ARSB: variants seen among roughly 807,000 people sequenced by gnomAD.
ARSB encodes N-acetylgalactosamine-4-sulfatase.
Under a neutral mutation model 50.9 loss-of-function variants are expected in ARSB, and 41 were observed. The ratio of observed to expected loss-of-function variants is 0.81; its 90% CI spans 0.63 to 1.04. The LOEUF is 1.04. Ranked by LOEUF, ARSB falls within the 50% of genes least tolerant of loss-of-function variation. ARSB has a pLI of 0.00. For missense variants in ARSB, 672 were observed against 693.3 expected (o/e 0.97, Z 0.35); for synonymous variants, 269 against 284.8 (o/e 0.94, Z 0.56).
chr5:78,948,032 C>T (rs189682103), intron 4 of ARSB, among the ~76,000 whole-genome samples: 19 of 151,940 alleles, frequency 1.3e-4, no homozygotes, highest in African/African-American at 4.3e-4. Flanking sequence ...AAGCCAAGCA[C>T]AAAGACAAAC....
intron 4 of ARSB, among the ~76,000 whole-genome samples, chr5:78,921,238 C>A (rs1312641800): frequency 6.6e-6 from 1 of 152,158 alleles, no homozygotes; most frequent in Non-Finnish European, 1.5e-5. Flanking sequence ...CCAATGACCA[C>A]CAACCATCTT....
At chr5:78,898,354 A>C (rs1748664315) in intron 4 of ARSB, among the ~76,000 whole-genome samples, 1 of 152,214 alleles carries the variant, frequency 6.6e-6, no homozygotes, top group African/African-American at 2.4e-5. Flanking sequence ...TTAAGAAAGG[A>C]ATAATACTAG....
intron 4 of ARSB, among the ~76,000 whole-genome samples, chr5:78,933,152 T>G (rs1318573664): frequency 6.6e-6 from 1 of 152,198 alleles, no homozygotes; most frequent in African/African-American, 2.4e-5. Context: ...ACACAGAAGA[T>G]GCTCAATAAA....
intron 5 of ARSB, among the ~76,000 whole-genome samples, chr5:78,852,431 T>C (rs1490985256): frequency 1.3e-5 from 2 of 152,376 alleles, no homozygotes; most frequent in East Asian, 3.9e-4. Context: ...GATCTGCTGT[T>C]AGTCTGATGG....
intron 6 of ARSB, chr5:78,815,425 A>C: frequency 3.2e-6 from 2 of 620,702 alleles, no homozygotes; most frequent in Non-Finnish European, 4.0e-6. Context: ...CCACAAAGAC[A>C]AATTAGAACA....
intron 4 of ARSB, among the ~76,000 whole-genome samples, chr5:78,905,910 C>CAAAAAAAAAAAAAAA (rs57651882): frequency 1.1e-5 from 1 of 94,434 alleles, no homozygotes; most frequent in Non-Finnish European, 2.1e-5. Context: ...AGCAAAGTAG[C>CAAAAAAAAAAAAAAA]AAAAAAAAAA....
At chr5:78,946,115 C>T (rs763317622) in intron 4 of ARSB, among the ~76,000 whole-genome samples, 2 of 152,042 alleles carry the variant, frequency 1.3e-5, no homozygotes, top group Non-Finnish European at 2.9e-5. Context: ...ATAATGAAAC[C>T]GAGGCTAGAC....
chr5:78,857,413 C>T (rs1746205015), intron 5 of ARSB, among the ~76,000 whole-genome samples: 1 of 152,164 alleles, frequency 6.6e-6, no homozygotes, highest in African/African-American at 2.4e-5. Context: ...TATAGTTTAG[C>T]TGCATGAGCT....
chr5:78,863,016 T>C (rs1746525753), intron 5 of ARSB, among the ~76,000 whole-genome samples: 1 of 152,210 alleles, frequency 6.6e-6, no homozygotes, highest in South Asian at 2.1e-4. Flanking sequence ...ATGCTCATCA[T>C]CACTGGTCAT....
At chr5:78,860,118 T>C (rs562506539) in intron 5 of ARSB, among the ~76,000 whole-genome samples, 1 of 152,218 alleles carries the variant, frequency 6.6e-6, no homozygotes, top group East Asian at 1.9e-4. Context: ...GGGTGCAGAG[T>C]TCTGTAGATG....
chr5:78,975,933 T>C (rs1014994798), intron 1 of ARSB, among the ~76,000 whole-genome samples: 5 of 152,224 alleles, frequency 3.3e-5, no homozygotes, highest in Middle Eastern at 3.2e-3. Flanking sequence ...ATATTTTGTA[T>C]AGAATAAAGT....
intron 5 of ARSB, among the ~76,000 whole-genome samples, chr5:78,851,362 G>C (rs991350444): frequency 6.6e-6 from 1 of 152,158 alleles, no homozygotes; most frequent in African/African-American, 2.4e-5. Flanking sequence ...CCATGTAGTT[G>C]AGCAGTTTTG....
At position 78,955,396 on chromosome 5, in the gene ARSB, T is replaced by C; in HGVS notation, c.797A>G (p.Tyr266Cys). ...ATCCATAAGGGACACCATTCCTGCA[T>C]AGTGATGCCTGTTCTTGTCTTGGAT... ...DFIQDKNRHH[Y>C]AGMVSLMDEA... The change falls in exon 4 of 8, where the codon TAT (tyrosine) becomes TGT (cysteine). Residue 266 changes from tyrosine (Y) to cysteine (C), a missense_variant. Transcript: ENST00000264914. 6 of 1,614,214 alleles carry C rather than the reference T, an allele frequency of 3.7e-6. No individual in the cohort carries two copies. Among genetic ancestry groups the C allele is most frequent in the African/African-American group, 1.3e-5 (1 of 75,056 alleles).
intron 6 of ARSB, among the ~76,000 whole-genome samples, chr5:78,820,588 T>C (rs1370949325): frequency 1.3e-5 from 2 of 152,226 alleles, no homozygotes; most frequent in East Asian, 3.9e-4. Context: ...CATGTAAATA[T>C]ACACTGCTAC....
chr5:78,872,407 G>C (rs1413900017), intron 5 of ARSB, among the ~76,000 whole-genome samples: 1 of 137,740 alleles, frequency 7.3e-6, no homozygotes, highest in Non-Finnish European at 1.6e-5. Context: ...CAAAGACTTG[G>C]AACCAACCCA....
chr5:78,809,470 C>G (rs1000202571), intron 6 of ARSB, among the ~76,000 whole-genome samples: 1 of 152,220 alleles, frequency 6.6e-6, no homozygotes, highest in South Asian at 2.1e-4. Flanking sequence ...AGGCCAGCCC[C>G]GTGGAGAGCT....
At chr5:78,910,149 G>A (rs544186530) in intron 4 of ARSB, among the ~76,000 whole-genome samples, 86 of 152,330 alleles carry the variant, frequency 5.6e-4, no homozygotes, top group African/African-American at 1.9e-3. Context: ...TTCTCCTGCC[G>A]CATTCCTCTT....
intron 6 of ARSB, chr5:78,816,059 T>C (rs1283588927): frequency 7.4e-6 from 12 of 1,613,962 alleles, no homozygotes; most frequent in Non-Finnish European, 1.0e-5. Flanking sequence ...CCCTGGGTTA[T>C]CATCTTCAGT....
intron 4 of ARSB, among the ~76,000 whole-genome samples, chr5:78,944,317 G>T (rs987334896): frequency 6.6e-6 from 1 of 152,188 alleles, no homozygotes; most frequent in South Asian, 2.1e-4. Flanking sequence ...TCCGTTGCTG[G>T]TGAGGAGCTG....
Sources: allele counts gnomAD v4.1 joint callset (sites outside exome capture counted in the v4.1 genomes callset), GRCh38; gene constraint gnomAD v4.1.1; transcripts MANE v1.5; gene names NCBI Gene and HGNC (gene_info 2026-07-23, HGNC 2026-07-21).